Variants in PLEKHG4 observed in about 807,000 individuals in gnomAD.
PLEKHG4 encodes the protein puratrophin-1.
A neutral mutation model predicts 136.9 loss-of-function variants in PLEKHG4; 85 were observed. The observed-to-expected ratio is 0.62, with a 90% CI of 0.52 to 0.74. The LOEUF (loss-of-function observed/expected upper bound fraction) is 0.74. Ranked by LOEUF, PLEKHG4 falls within the 30% of genes least tolerant of loss-of-function variation. The pLI is 0.00. For synonymous variants in PLEKHG4, 577 were observed against 646.9 expected (o/e 0.89, Z 1.64); for missense variants, 1,317 against 1,527.8 (o/e 0.86, Z 2.30).
Position 67,285,550 on chromosome 16 carries a change from G to A in PLEKHG4, c.2442+14G>A. 6.2e-7 allele frequency: 1 copy of A among 1,604,046 alleles called. No homozygotes were observed. Among genetic ancestry groups the A allele is most frequent in the Non-Finnish European group, 8.5e-7 (1 of 1,179,968 alleles). ...TTCCTGCGCCATGTAAGCCCGACAGGCCATGTGGTATCAGCTCGTTCTGCC... is the reference window on the plus strand; with the variant it reads ...TTCCTGCGCCATGTAAGCCCGACAGACCATGTGGTATCAGCTCGTTCTGCC... On this transcript the variant is annotated intron_variant, in intron 14 of 21. Coordinates refer to ENST00000379344, the MANE Select transcript of PLEKHG4 (RefSeq NM_001129729.3).
Position 67,281,182 on chromosome 16 carries a change from C to A in PLEKHG4, c.811C>A (p.Gln271Lys), listed in dbSNP as rs760870289. The A allele has an allele frequency of 2.5e-6, 4 of 1,581,964 alleles. No homozygotes were observed. Among genetic ancestry groups the A allele is most frequent in the Non-Finnish European group, 2.6e-6 (3 of 1,151,074 alleles). The change falls in exon 5 of 22, where the codon CAA (glutamine) becomes AAA (lysine). Residue 271 changes from glutamine (Q) to lysine (K), a missense_variant and splice_region_variant. Physicochemically the swap from Gln to Lys is moderately conservative, Grantham distance 53. Coordinates refer to ENST00000379344, the MANE Select transcript of PLEKHG4 (RefSeq NM_001129729.3). ...SSLFSGLSQL[Q>K]EAAPGAVYQV... ...CCTCTTCTCTGGGCTCAGCCAACTA[C>A]AAGTGAGTACAGGATTGTAGCTCCC...
Position 67,281,817 on chromosome 16 carries a change from G to A in PLEKHG4, c.985G>A (p.Ala329Thr), listed in dbSNP as rs2036241351. 1.2e-6 allele frequency: 2 copies of A among 1,613,184 alleles called. No individual in the cohort carries two copies. Among genetic ancestry groups the A allele is most frequent in the Non-Finnish European group, 1.7e-6 (2 of 1,179,968 alleles). Residue 329 changes from alanine (A) to threonine (T), a missense_variant, in exon 7 of 22, where the codon GCC becomes ACC. Coordinates refer to ENST00000379344, the MANE Select transcript of PLEKHG4 (RefSeq NM_001129729.3). The stretch of plus-strand genomic sequence containing the variant: ...AGGAGGCCTGCCTTACTGCCACCAG[G>A]CCTGGCTGGATTTCCGAAGGGTCAG... ...LGGGLPYCHQ[A>T]WLDFRRRLEA...
intron 7 of PLEKHG4, 39 bp downstream of exon 7, chr16:67,281,876 G>T (rs2036244962): frequency 6.3e-7 from 1 of 1,577,364 alleles, no homozygotes; most frequent in Non-Finnish European, 8.7e-7. Flanking sequence ...AGTCATATAG[G>T]CAACTTGGGA....
At chr16:67,282,139 GCTCC>G (rs2036258955) in intron 8 of PLEKHG4, 32 bp downstream of exon 8, 3 of 1,613,070 alleles carry the variant, frequency 1.9e-6, no homozygotes, top group Non-Finnish European at 2.5e-6. Context: ...CTCCATGAAT[GCTCC>G]CTGTCTCCCT....
At position 67,289,036 on chromosome 16, in the gene PLEKHG4, C is replaced by A; in HGVS notation, c.*228C>A. The A allele has an allele frequency of 1.6e-6, 1 of 638,572 alleles. No homozygotes were observed. Among genetic ancestry groups the A allele is most frequent in the Non-Finnish European group, 2.9e-6 (1 of 350,796 alleles). 39.6% of individuals were successfully genotyped at this position (638,572 alleles called of 1,614,324 possible). The stretch of plus-strand genomic sequence containing the variant: ...CTGAATAGGCTCCTGGCCCCATGAC[C>A]CCTTCTCCTGTCCCCAGCTCCCATC... On this transcript the variant is annotated 3_prime_UTR_variant, in exon 22 of 22. Transcript: ENST00000379344.
Position 67,288,818 on chromosome 16 carries a change from T to C in PLEKHG4, c.*10T>C. On this transcript the variant is annotated 3_prime_UTR_variant, in exon 22 of 22. Transcript: ENST00000379344. ...GGCCCTGCAGGTCTGAGCCCGGGAC[T>C]GGACGAGCAGTAGATCCAGCAGCCT... 1 of 1,613,694 alleles carries C rather than the reference T, an allele frequency of 6.2e-7. No homozygotes were observed. Among genetic ancestry groups the C allele is most frequent in the Non-Finnish European group, 8.5e-7 (1 of 1,179,850 alleles).
intron 10 of PLEKHG4, 45 bp from the exon 11 acceptor site, chr16:67,282,697 G>A (rs7200919): frequency 0.43 from 699,695 of 1,613,114 alleles, 163,529 homozygotes; most frequent in African/African-American, 0.89. Flanking sequence ...TGAGCCCCCA[G>A]TCCATAGCAG....
Position 67,284,598 on chromosome 16 carries a change from CTG to C in PLEKHG4, c.1693-114_1693-113del, listed in dbSNP as rs2036378339. 2.0e-6 allele frequency: 3 copies of C among 1,486,148 alleles called. No individual in the cohort carries two copies. The highest frequency in any genetic ancestry group is 2.8e-6 in the Non-Finnish European group (3 of 1,082,218). The allele number at this position is 1,486,148 out of a possible 1,614,324, so 92.1% of individuals were successfully genotyped here. ...TCAGTTTGACCCTAAAACCCAGTCA[CTG>C]GGGCTGTGTCCTGGACAGCATCCTG... On this transcript the variant is annotated intron_variant, in intron 12 of 21. Transcript: ENST00000379344. The surrounding 1 kb of genome is among the most constrained non-coding windows in gnomAD (Gnocchi z 4.4).
rs180722201 is a variant in PLEKHG4, at chr16:67,285,656, C to T, written c.2442+120C>T. On this transcript the variant is annotated intron_variant, in intron 14 of 21. Transcript: ENST00000379344. ...TATAGCTATGAGCAAGACTGGCAGG[C>T]TCCTGCACCTGAGGGTGCTCTTAGT... 414 of 1,162,604 alleles carry T rather than the reference C, an allele frequency of 3.6e-4. 3 individuals carry two copies. In the African/African-American group the frequency reaches 5.6e-3, roughly 16 times the overall value. 72.0% of individuals were successfully genotyped at this position (1,162,604 alleles called of 1,614,324 possible).
chr16:67,282,505 C>T lies in PLEKHG4; in HGVS notation c.1256C>T (p.Thr419Met), dbSNP rs149891982. ...TAAGATGGTATACCCTACACCAGGACGGCAATGGACAAGGCTGACGAGCTA... is the reference window on the plus strand; with the variant it reads ...TAAGATGGTATACCCTACACCAGGATGGCAATGGACAAGGCTGACGAGCTA... Reference protein sequence around the residue: ...PEVTLSPDYRTAMDKADELYD... With the variant: ...PEVTLSPDYRMAMDKADELYD... The change falls in exon 10 of 22, where the codon ACG becomes ATG. Residue 419 changes from threonine (T) to methionine (M), a missense_variant and splice_region_variant. Transcript: ENST00000379344. The T allele has an allele frequency of 4.6e-5, 74 of 1,614,068 alleles. No individual in the cohort carries two copies. The highest frequency in any genetic ancestry group is 1.6e-4 in the Middle Eastern group (1 of 6,062).
At chr16:67,285,577 C>T in intron 14 of PLEKHG4, 41 bp downstream of exon 14, 1 of 1,599,966 alleles carries the variant, frequency 6.3e-7, no homozygotes, top group Non-Finnish European at 8.5e-7. Context: ...CGTTCTGCCA[C>T]ACTCCCGAAG....
At position 67,280,674 on chromosome 16, in the gene PLEKHG4, T is replaced by G. The variant is rs1468569764; in HGVS notation, c.500-37T>G. 2 of 1,613,562 alleles carry G rather than the reference T, an allele frequency of 1.2e-6. No homozygotes were observed. Among genetic ancestry groups the G allele is most frequent in the African/African-American group, 2.7e-5 (2 of 74,892 alleles). ...GTCCAAGTAGGGGTCTCTGGATAGGTGGTCCAAGGCAGACCCAAGTCATTT... is the reference window on the plus strand; with the variant it reads ...GTCCAAGTAGGGGTCTCTGGATAGGGGGTCCAAGGCAGACCCAAGTCATTT... On this transcript the variant is annotated intron_variant, in intron 2 of 21. Coordinates refer to ENST00000379344, the MANE Select transcript of PLEKHG4 (RefSeq NM_001129729.3). The surrounding 1 kb of genome is among the most constrained non-coding windows in gnomAD (Gnocchi z 4.4).
Position 67,282,554 on chromosome 16 carries a change from G to T in PLEKHG4, c.1305G>T (p.Leu435=), listed in dbSNP as rs780943696. ...TATATGACCGGGTGGATGGATTGCT[G>T]CACCAACTGACCCTGCAGAGCAACC... The part of the protein sequence containing the change: ...DELYDRVDGL[L]HQLTLQSNQR... The change falls in exon 10 of 22, where the codon CTG becomes CTT. Residue 435 remains leucine (L), a synonymous_variant. Coordinates refer to ENST00000379344, the MANE Select transcript of PLEKHG4 (RefSeq NM_001129729.3). 1.7e-5 allele frequency: 27 copies of T among 1,613,998 alleles called. No homozygotes were observed. Among genetic ancestry groups the T allele is most frequent in the Non-Finnish European group, 2.2e-5 (26 of 1,180,046 alleles).
Position 67,284,787 on chromosome 16 carries a change from G to A in PLEKHG4, c.1767G>A (p.Gln589=). ...AGGAACGCCCGGGGGTTGTGTTGCA[G>A]CAGCTGCAGCTGCACTGGACCAGGC... ...LEQERPGVVL[Q]QLQLHWTRHP... is the part of the protein sequence containing the mutation. The change falls in exon 13 of 22, where the codon CAG becomes CAA. Residue 589 remains glutamine (Q), a synonymous_variant. Coordinates refer to ENST00000379344, the MANE Select transcript of PLEKHG4 (RefSeq NM_001129729.3). This position sits in a 1 kb window ranked among gnomAD's most constrained non-coding sequence, Gnocchi z 4.4. 1.2e-6 allele frequency: 2 copies of A among 1,613,722 alleles called. No individual in the cohort carries two copies. Among genetic ancestry groups the A allele is most frequent in the South Asian group, 2.2e-5 (2 of 91,072 alleles).
chr16:67,286,294 C>A lies in PLEKHG4; in HGVS notation c.2463C>A (p.Tyr821Ter), dbSNP rs758143565. 1.2e-6 allele frequency: 2 copies of A among 1,613,456 alleles called. No individual in the cohort carries two copies. The highest frequency in any genetic ancestry group is 1.1e-5 in the South Asian group (1 of 91,072). The change falls in exon 15 of 22, where the codon TAC (tyrosine) becomes TAA (stop). Residue 821 changes from tyrosine to a stop codon, truncating the protein, a stop_gained. Transcript: ENST00000379344. LOFTEE classifies it high-confidence loss of function. The part of the protein sequence containing the change: ...FLRHRVQFGM[Y>*]ALYSKNKPRS... The stretch of plus-strand genomic sequence containing the variant: ...TGTAGAGGGTGCAGTTTGGGATGTA[C>A]GCGCTCTACAGCAAGAATAAGCCTC...
At position 67,288,215 on chromosome 16, in the gene PLEKHG4, GCCTCT is replaced by G. The variant is rs1567443055; in HGVS notation, c.3270_3274del (p.Ser1090ArgfsTer51). 6.2e-7 allele frequency: 1 copy of G among 1,613,850 alleles called. No homozygotes were observed. Among genetic ancestry groups the G allele is most frequent in the Non-Finnish European group, 8.5e-7 (1 of 1,179,982 alleles). On this transcript the variant is annotated frameshift_variant, in exon 20 of 22. Coordinates refer to ENST00000379344, the MANE Select transcript of PLEKHG4 (RefSeq NM_001129729.3). LOFTEE classifies it high-confidence loss of function. ...GCCGTAGCCCCGTTTGACCATGACA[GCCTCT>G]ACCTGGGGGCCTCGAACTCCCTTCC...
chr16:67,282,766 G>A lies in PLEKHG4; in HGVS notation c.1417G>A (p.Gly473Ser). 1.2e-6 allele frequency: 2 copies of A among 1,613,518 alleles called. No individual in the cohort carries two copies. Among genetic ancestry groups the A allele is most frequent in the Non-Finnish European group, 1.7e-6 (2 of 1,180,010 alleles). The change falls in exon 11 of 22, where the codon GGC becomes AGC. Residue 473 changes from glycine to serine, a missense_variant. By Grantham distance (56) the Gly-to-Ser change is moderately conservative (BLOSUM62 0). Coordinates refer to ENST00000379344, the MANE Select transcript of PLEKHG4 (RefSeq NM_001129729.3). ...GATTGAAGTGTGGCTGCAGCAGGTGGGCTGGCCAGCACTGGAGGAGGCTGG... is the reference window on the plus strand; with the variant it reads ...GATTGAAGTGTGGCTGCAGCAGGTGAGCTGGCCAGCACTGGAGGAGGCTGG... Reference protein sequence around the residue: ...HQIEVWLQQVGWPALEEAGEP... With the variant: ...HQIEVWLQQVSWPALEEAGEP...
At position 67,284,474 on chromosome 16, in the gene PLEKHG4, C is replaced by T. The variant is rs2142456880; in HGVS notation, c.1692+17C>T. 1 of 1,612,820 alleles carries T rather than the reference C, an allele frequency of 6.2e-7. No homozygotes were observed. Among genetic ancestry groups the T allele is most frequent in the Non-Finnish European group, 8.5e-7 (1 of 1,179,328 alleles). The stretch of plus-strand genomic sequence containing the variant: ...TTCAGGGAGGTGGGTGAGAGTCTCC[C>T]CAGCTCCAAGTGATCCATGAGGCCG... On this transcript the variant is annotated intron_variant, in intron 12 of 21. Coordinates refer to ENST00000379344, the MANE Select transcript of PLEKHG4 (RefSeq NM_001129729.3). This position sits in a 1 kb window ranked among gnomAD's most constrained non-coding sequence, Gnocchi z 4.4.
In PLEKHG4 at chr16:67,281,731, A is replaced by C; in HGVS notation, c.899A>C (p.Gln300Pro). The C allele has an allele frequency of 6.2e-7, 1 of 1,614,088 alleles. No homozygotes were observed. Among genetic ancestry groups the C allele is most frequent in the Non-Finnish European group, 8.5e-7 (1 of 1,179,994 alleles). Reference protein sequence around the residue: ...KEVPSGLQLEQLPSQSLLTHI... With the variant: ...KEVPSGLQLEPLPSQSLLTHI... ...CACCTTCTTCTCCTGTAGCTGGAGC[A>C]GTTGCCTTCTCAGAGCCTGCTGACC... The change falls in exon 7 of 22, where the codon CAG becomes CCG. Residue 300 changes from glutamine to proline, a missense_variant. Transcript: ENST00000379344.
Sources: gnomAD v4.1 joint callset for allele counts on GRCh38, gnomAD v4.1.1 for gene constraint, Gnocchi (gnomAD v3.1) non-coding constraint, MANE v1.5 for transcripts, NCBI Gene and HGNC (gene_info 2026-07-23, HGNC 2026-07-21) for gene names.